Variants in POLI observed in about 807,000 individuals in gnomAD.
POLI encodes the protein DNA polymerase iota.
POLI carries 58 observed loss-of-function variants against 51.6 expected under a neutral mutation model. The ratio of observed to expected loss-of-function variants is 1.12; its 90% CI spans 0.91 to 1.40. The LOEUF is 1.40. Among genes scored for constraint, POLI ranks in the 40% most tolerant of loss-of-function variants. The pLI is 0.00. For synonymous variants in POLI, 322 were observed against 299.7 expected (o/e 1.07, Z -0.77); for missense variants, 921 against 871.3 (o/e 1.06, Z -0.72).
At position 54,293,874 on chromosome 18, in the gene POLI, C is replaced by G; in HGVS notation, c.1630C>G (p.Leu544Val). The change falls in exon 10 of 10, where the codon CTT (leucine) becomes GTT (valine). Residue 544 changes from leucine to valine, a missense_variant. By Grantham distance (32) the Leu-to-Val change is conservative. Transcript: ENST00000579534. Reference sequence around the variant, plus strand: ...TCCAGTAGATATTCAAGAAGAAATCCTTTCTGGAAAATCTAGGGAAAAATT... The same window carrying G: ...TCCAGTAGATATTCAAGAAGAAATCGTTTCTGGAAAATCTAGGGAAAAATT... ...QLPVDIQEEI[L>V]SGKSREKFQG... 1.9e-6 allele frequency: 3 copies of G among 1,612,518 alleles called. No homozygotes were observed. The highest frequency in any genetic ancestry group is 2.5e-6 in the Non-Finnish European group (3 of 1,179,100).
chr18:54,283,059 T>C, intron 6 of POLI, 44 bp downstream of exon 6: 1 of 1,241,324 alleles, frequency 8.1e-7, no homozygotes, highest in Non-Finnish European at 1.1e-6. Flanking sequence ...GTTATCACAT[T>C]ATTTGAGATA....
rs761958015 is a variant in POLI, at chr18:54,291,890, T to C, written c.1256T>C (p.Met419Thr). 37 of 1,609,244 alleles carry C rather than the reference T, an allele frequency of 2.3e-5. No homozygotes were observed. Among genetic ancestry groups the C allele is most frequent in the Non-Finnish European group, 2.6e-5 (30 of 1,176,116 alleles). ...ATACTTATGAAACTTTTTCGAAATA[T>C]GGTGAATGTGAAGATGCCATTTCAC... Reference protein sequence around the residue: ...VDILMKLFRNMVNVKMPFHLT... With the variant: ...VDILMKLFRNTVNVKMPFHLT... Residue 419 changes from methionine (M) to threonine (T), a missense_variant, in exon 9 of 10, where the codon ATG (methionine) becomes ACG (threonine). Met to Thr is a moderately conservative substitution (Grantham distance 81). Transcript: ENST00000579534.
At position 54,297,129 on chromosome 18, in the gene POLI, TTAC is replaced by T; in HGVS notation, c.*2668_*2670del. 1.0e-6 allele frequency: 1 copy of T among 985,448 alleles called. No homozygotes were observed. 61.0% of individuals were successfully genotyped at this position (985,448 alleles called of 1,614,324 possible). A position where few individuals can be genotyped will look rare whatever the true frequency, so the allele number is the denominator to read the frequency against. ...GTCTTAAGTGTAAGCTCCCTGACCCTTACTACTAGCCGAAGGTTTTGTCTCTGC... is the reference window on the plus strand; with the variant it reads ...GTCTTAAGTGTAAGCTCCCTGACCCTTACTAGCCGAAGGTTTTGTCTCTGC... On this transcript the variant is annotated 3_prime_UTR_variant, in exon 10 of 10. Transcript: ENST00000579534.
chr18:54,301,550 CCTT>C (rs1334865440), downstream of POLI, among the ~76,000 whole-genome samples: 1 of 152,256 alleles, frequency 6.6e-6, no homozygotes, highest in South Asian at 2.1e-4. Context: ...TTGTGATGCT[CCTT>C]CTGCTTCTTT....
In POLI at chr18:54,280,791, A is replaced by G; in HGVS notation, c.684A>G (p.Lys228=). Residue 228 remains lysine, a synonymous_variant, in exon 5 of 10, where the codon AAA becomes AAG. Transcript: ENST00000579534. ...LTGCAGVASN[K]LLAKLVSGVF... is the part of the protein sequence containing the mutation. ...GCTGTGCTGGAGTGGCTTCTAATAA[A>G]CTGTTGGCAAAATTAGTTTCTGGTG... The G allele has an allele frequency of 6.2e-7, 1 of 1,613,808 alleles. No homozygotes were observed. Among genetic ancestry groups the G allele is most frequent in the Non-Finnish European group, 8.5e-7 (1 of 1,179,778 alleles).
At chr18:54,282,503 G>C (rs1172302033) in intron 5 of POLI, among the ~76,000 whole-genome samples, 1 of 152,004 alleles carries the variant, frequency 6.6e-6, no homozygotes, top group Non-Finnish European at 1.5e-5. Context: ...AGAGAGAGAG[G>C]CAGAGACCAC....
Position 54,283,023 on chromosome 18 carries a change from A to G in POLI, c.975+8A>G, listed in dbSNP as rs1375425244. ...CTCTCAGGACCACCTCAGGTACATGATGATACTTATTTTAATTAAGTACTG... is the reference window on the plus strand; with the variant it reads ...CTCTCAGGACCACCTCAGGTACATGGTGATACTTATTTTAATTAAGTACTG... On this transcript the variant is annotated splice_region_variant and intron_variant, in intron 6 of 9. Transcript: ENST00000579534. The G allele has an allele frequency of 2.6e-6, 4 of 1,555,066 alleles. No individual in the cohort carries two copies. Among genetic ancestry groups the G allele is most frequent in the East Asian group, 2.3e-5 (1 of 44,428 alleles).
intron 3 of POLI, among the ~76,000 whole-genome samples, chr18:54,310,715 T>C (rs1237204895): frequency 6.6e-6 from 1 of 152,158 alleles, no homozygotes. Context: ...TTTAAAAATA[T>C]GTTAAAAGCT....
At chr18:54,270,002 G>T in intron 1 of POLI, 1 of 1,051,910 alleles carries the variant, frequency 9.5e-7, no homozygotes, top group Non-Finnish European at 1.1e-6. Flanking sequence ...CTTTGGAGAA[G>T]TTGAGGACCT....
intron 3 of POLI, among the ~76,000 whole-genome samples, chr18:54,277,462 T>G (rs1003205998): frequency 6.6e-6 from 1 of 152,190 alleles, no homozygotes; most frequent in Non-Finnish European, 1.5e-5. Flanking sequence ...CTAGATATAT[T>G]GCCATGAATA....
chr18:54,317,578 T>C (rs2088750817), intron 3 of POLI, among the ~76,000 whole-genome samples: 1 of 152,136 alleles, frequency 6.6e-6, no homozygotes, highest in Non-Finnish European at 1.5e-5. Context: ...AAATTATTTA[T>C]TGGGCTGGAT....
rs139074828 is a variant in POLI at position 54,287,352 on chromosome 18, A to G, written c.1139A>G (p.Tyr380Cys). 2.7e-5 allele frequency: 43 copies of G among 1,600,214 alleles called. No individual in the cohort carries two copies. Among genetic ancestry groups the G allele is most frequent in the Middle Eastern group, 3.3e-4 (2 of 6,034 alleles). ...IIRRYSSEKH[Y>C]GRESRQCPIP... is the part of the protein sequence containing the mutation. ...CGTCGGTATTCCTCTGAGAAGCACTATGGTCGTGAGAGTCGTCAGTGCCCT... is the reference window on the plus strand; with the variant it reads ...CGTCGGTATTCCTCTGAGAAGCACTGTGGTCGTGAGAGTCGTCAGTGCCCT... The change falls in exon 8 of 10, where the codon TAT (tyrosine) becomes TGT (cysteine). Residue 380 changes from tyrosine (Y) to cysteine (C), a missense_variant. Physicochemically the swap from Tyr to Cys is radical, Grantham distance 194. Coordinates refer to ENST00000579534, the MANE Select transcript of POLI (RefSeq NM_007195.3).
intron 3 of POLI, among the ~76,000 whole-genome samples, chr18:54,307,980 G>C (rs1478994237): frequency 1.3e-5 from 2 of 151,200 alleles, no homozygotes; most frequent in African/African-American, 4.9e-5. Flanking sequence ...GTGTGTCTCT[G>C]CACGTGAGAT....
intron 3 of POLI, among the ~76,000 whole-genome samples, chr18:54,308,883 A>C (rs2088629785): frequency 6.6e-6 from 1 of 152,154 alleles, no homozygotes; most frequent in African/African-American, 2.4e-5. Flanking sequence ...CGGCTACTGA[A>C]GCTTGTGCAT....
chr18:54,287,609 C>A, intron 8 of POLI, 198 bp downstream of exon 8: 1 of 414,876 alleles, frequency 2.4e-6, no homozygotes, highest in Non-Finnish European at 4.5e-6. Flanking sequence ...GAGACAGGGT[C>A]TTGCTCTGCA....
chr18:54,291,136 C>A (rs1202557942), intron 8 of POLI, among the ~76,000 whole-genome samples: 1 of 152,158 alleles, frequency 6.6e-6, no homozygotes, highest in African/African-American at 2.4e-5. Context: ...GCCTCCTAGT[C>A]AACTAGGGTT....
intron 7 of POLI, among the ~76,000 whole-genome samples, chr18:54,284,319 G>C (rs189510893): frequency 2.0e-5 from 3 of 152,278 alleles, no homozygotes; most frequent in Non-Finnish European, 4.4e-5. Flanking sequence ...GACTTATTCT[G>C]GTCTTCAGGT....
chr18:54,277,594 A>G (rs1332706952), intron 3 of POLI, 109 bp from the exon 4 acceptor site: 2 of 654,540 alleles, frequency 3.1e-6, no homozygotes, highest in South Asian at 2.3e-5. Context: ...CTATGAATGT[A>G]TATAAAACCT....
Position 54,287,134 on chromosome 18 carries a change from C to T in POLI, c.1068-147C>T, listed in dbSNP as rs553513174. On this transcript the variant is annotated intron_variant, in intron 7 of 9. Coordinates refer to ENST00000579534, the MANE Select transcript of POLI (RefSeq NM_007195.3). Reference sequence around the variant, plus strand: ...TGATGATTATTTGGATACTCAGGGACCTTTATTGCTTACTATTTTGTTATC... The same window carrying T: ...TGATGATTATTTGGATACTCAGGGATCTTTATTGCTTACTATTTTGTTATC... 7.6e-4 allele frequency: 392 copies of T among 518,342 alleles called. 3 individuals carry two copies. The South Asian group carries it at 9.2e-3, about 12-fold the overall frequency. 32.1% of individuals were successfully genotyped at this position (518,342 alleles called of 1,614,324 possible). A position where few individuals can be genotyped will look rare whatever the true frequency, so the allele number is the denominator to read the frequency against.
Sources: allele counts gnomAD v4.1 joint callset (sites outside exome capture counted in the v4.1 genomes callset), GRCh38; gene constraint gnomAD v4.1.1; transcripts MANE v1.5; gene names NCBI Gene and HGNC (gene_info 2026-07-23, HGNC 2026-07-21).